Variants in ENTREP2 observed in about 807,000 individuals in gnomAD.
ENTREP2 encodes the protein endosomal transmembrane epsin interactor 2.
the ENTREP2 span, among the ~76,000 whole-genome samples, chr15:29,639,784 T>TTG: frequency 0.041 from 6,159 of 149,362 alleles, 107 homozygotes; most frequent in South Asian, 0.059. Flanking sequence ...TTTTTTTTTT[T>TTG]TGAGACGAAG....
the ENTREP2 span, among the ~76,000 whole-genome samples, chr15:29,521,261 C>A: frequency 1.3e-5 from 2 of 152,174 alleles, no homozygotes; most frequent in Non-Finnish European, 2.9e-5. Context: ...AATCAACATC[C>A]CAGCAGGCTT....
chr15:29,656,647 A>G, the ENTREP2 span, among the ~76,000 whole-genome samples: 3 of 152,214 alleles, frequency 2.0e-5, no homozygotes, highest in South Asian at 6.2e-4. Flanking sequence ...TTAAAACCAC[A>G]GTGAGAGTCC....
chr15:29,598,003 G>A, the ENTREP2 span, among the ~76,000 whole-genome samples: 34,605 of 151,896 alleles, frequency 0.23, 4,133 homozygotes, highest in South Asian at 0.33. Context: ...GCACCGTGTA[G>A]TCCCAGATAC....
the ENTREP2 span, among the ~76,000 whole-genome samples, chr15:29,338,944 GAGCCTGTGCC>G: frequency 6.6e-6 from 1 of 152,114 alleles, no homozygotes; most frequent in African/African-American, 2.4e-5. Context: ...CAGGGCCCGA[GAGCCTGTGCC>G]AGGCCCAGTC....
chr15:29,221,060 T>C, the ENTREP2 span, among the ~76,000 whole-genome samples: 2 of 152,134 alleles, frequency 1.3e-5, no homozygotes, highest in Admixed American at 6.5e-5. Flanking sequence ...CGATGCCAGT[T>C]GGAACTCCTG....
the ENTREP2 span, among the ~76,000 whole-genome samples, chr15:29,150,943 C>T: frequency 1.3e-5 from 2 of 152,100 alleles, no homozygotes; most frequent in Non-Finnish European, 2.9e-5. Context: ...CACACAGAGA[C>T]AGAGAGAGAC....
the ENTREP2 span, among the ~76,000 whole-genome samples, chr15:29,429,335 C>T: frequency 6.6e-6 from 1 of 152,182 alleles, no homozygotes; most frequent in African/African-American, 2.4e-5. Context: ...AATCCTCCTG[C>T]CTTAGCCCCA....
the ENTREP2 span, among the ~76,000 whole-genome samples, chr15:29,362,326 T>C: frequency 5.9e-5 from 9 of 151,468 alleles, no homozygotes; most frequent in Admixed American, 5.9e-4. Context: ...TTTGAGCACA[T>C]AATTACCTTA....
chr15:29,361,587 T>G, the ENTREP2 span, among the ~76,000 whole-genome samples: 1 of 152,214 alleles, frequency 6.6e-6, no homozygotes, highest in South Asian at 2.1e-4. Context: ...ATACCATATC[T>G]TAACCTTCTT....
At chr15:29,226,337 G>GC in the ENTREP2 span, among the ~76,000 whole-genome samples, 792 of 152,296 alleles carry the variant, frequency 5.2e-3, 6 homozygotes, top group African/African-American at 0.018. Flanking sequence ...TGCAGCTTTT[G>GC]CATGGAATCT....
chr15:29,360,510 C>T, the ENTREP2 span, among the ~76,000 whole-genome samples: 1 of 152,194 alleles, frequency 6.6e-6, no homozygotes, highest in African/African-American at 2.4e-5. Context: ...GATATCTGTA[C>T]AAACAAGATT....
chr15:29,186,334 G>A, the ENTREP2 span, among the ~76,000 whole-genome samples: 1 of 152,202 alleles, frequency 6.6e-6, no homozygotes, highest in Non-Finnish European at 1.5e-5. Context: ...GAAGGAGGGA[G>A]TCTGTATGGC....
At chr15:29,314,276 T>C in the ENTREP2 span, among the ~76,000 whole-genome samples, 1 of 152,130 alleles carries the variant, frequency 6.6e-6, no homozygotes, top group African/African-American at 2.4e-5. Flanking sequence ...AGCTCTACTG[T>C]GGGTAAAACG....
At chr15:29,315,473 C>A in the ENTREP2 span, among the ~76,000 whole-genome samples, 274 of 152,258 alleles carry the variant, frequency 1.8e-3, 1 homozygote, top group African/African-American at 6.0e-3. Context: ...GAAACATACA[C>A]TTTTCATAAG....
the ENTREP2 span, among the ~76,000 whole-genome samples, chr15:29,343,026 A>AGG: frequency 1.3e-4 from 5 of 37,398 alleles, no homozygotes; most frequent in East Asian, 3.8e-3. Context: ...GTAAAAAGGA[A>AGG]TGGGGGGGGT....
the ENTREP2 span, among the ~76,000 whole-genome samples, chr15:29,124,518 C>A: frequency 2.0e-5 from 3 of 152,056 alleles, no homozygotes; most frequent in Non-Finnish European, 4.4e-5. Flanking sequence ...ATAAGTGCAC[C>A]GAGAGACAAA....
At chr15:29,169,540 T>C in the ENTREP2 span, among the ~76,000 whole-genome samples, 1 of 152,104 alleles carries the variant, frequency 6.6e-6, no homozygotes, top group Admixed American at 6.6e-5. Flanking sequence ...GATGCAAAAG[T>C]CCTAAATAAA....
chr15:29,181,679 G>A, the ENTREP2 span, among the ~76,000 whole-genome samples: 1 of 151,934 alleles, frequency 6.6e-6, no homozygotes, highest in Admixed American at 6.6e-5. Flanking sequence ...AGTTATATGT[G>A]TATGAATGTG....
At chr15:29,502,274 A>G in the ENTREP2 span, among the ~76,000 whole-genome samples, 1 of 151,958 alleles carries the variant, frequency 6.6e-6, no homozygotes, top group African/African-American at 2.4e-5. Flanking sequence ...AAGACAGTCA[A>G]ATAGATCAGT....
Sources: gnomAD v4.1 joint callset for allele counts (sites outside exome capture counted in the v4.1 genomes callset) on GRCh38, gnomAD v4.1.1 for gene constraint, MANE v1.5 for transcripts, NCBI Gene and HGNC (gene_info 2026-07-23, HGNC 2026-07-21) for gene names.